TECRL: variants seen among roughly 807,000 people sequenced by gnomAD.
TECRL encodes trans-2,3-enoyl-CoA reductase-like.
TECRL carries 63 observed loss-of-function variants against 52.8 expected under a neutral mutation model. That is an observed-to-expected ratio of 1.19 (90% CI 0.97 to 1.47). The LOEUF (loss-of-function observed/expected upper bound fraction) is 1.47. Among genes scored for constraint, TECRL ranks in the 40% most tolerant of loss-of-function variants. TECRL has a pLI of 0.00. For missense variants in TECRL, 482 were observed against 429.6 expected, an observed-to-expected ratio of 1.12 and a Z score of -1.08; for synonymous variants, 164 against 141.9, an observed-to-expected ratio of 1.16 and a Z score of -1.10.
At chr4:64,375,439 T>C (rs552703343) in intron 1 of TECRL, among the ~76,000 whole-genome samples, 1 of 151,974 alleles carries the variant, frequency 6.6e-6, no homozygotes, top group Non-Finnish European at 1.5e-5. Flanking sequence ...ACAACAGTAA[T>C]AGCTTTATTA....
At chr4:64,403,803 G>A (rs922598306) in intron 1 of TECRL, among the ~76,000 whole-genome samples, 1 of 150,838 alleles carries the variant, frequency 6.6e-6, no homozygotes, top group Non-Finnish European at 1.5e-5. Context: ...GGAGGAAAAG[G>A]GGGGCAGGAA....
At chr4:64,313,528 C>A (rs1204843896) in intron 5 of TECRL, among the ~76,000 whole-genome samples, 19 of 140,926 alleles carry the variant, frequency 1.3e-4, no homozygotes, top group African/African-American at 2.4e-4. Flanking sequence ...GTCCCCCAGG[C>A]CGGAGTGCAG....
At chr4:64,332,860 T>C (rs1261171745) in intron 2 of TECRL, among the ~76,000 whole-genome samples, 1 of 152,102 alleles carries the variant, frequency 6.6e-6, no homozygotes, top group African/African-American at 2.4e-5. Context: ...AATGAAAAAG[T>C]ACATCATTCT....
At chr4:64,371,613 T>A (rs1168659615) in intron 2 of TECRL, among the ~76,000 whole-genome samples, 1 of 151,698 alleles carries the variant, frequency 6.6e-6, no homozygotes, top group African/African-American at 2.4e-5. Context: ...AAATATCACA[T>A]TCATCTGCTT....
chr4:64,376,240 C>T (rs1245305207), intron 1 of TECRL, among the ~76,000 whole-genome samples: 2 of 151,802 alleles, frequency 1.3e-5, no homozygotes, highest in African/African-American at 4.8e-5. Context: ...ATTCAGTATA[C>T]TGTTCAGAAC....
intron 7 of TECRL, among the ~76,000 whole-genome samples, chr4:64,301,271 A>T (rs1724004392): frequency 6.6e-6 from 1 of 151,136 alleles, no homozygotes; most frequent in South Asian, 2.1e-4. Flanking sequence ...TATGTTGTAC[A>T]TTTTTATAAT....
chr4:64,383,127 A>G (rs1415882680), intron 1 of TECRL, among the ~76,000 whole-genome samples: 2 of 152,160 alleles, frequency 1.3e-5, no homozygotes, highest in African/African-American at 4.8e-5. Context: ...GTTTCTGCTG[A>G]GAACTTAGCT....
At chr4:64,290,204 T>C (rs1043059270) in intron 8 of TECRL, among the ~76,000 whole-genome samples, 6 of 152,158 alleles carry the variant, frequency 3.9e-5, no homozygotes, top group African/African-American at 1.4e-4. Flanking sequence ...CAGCTCAGTT[T>C]GGAAAACCTA....
intron 1 of TECRL, among the ~76,000 whole-genome samples, 168 bp from the exon 2 acceptor site, chr4:64,375,391 C>T (rs192126136): frequency 6.6e-6 from 1 of 151,900 alleles, no homozygotes; most frequent in East Asian, 1.9e-4. Context: ...ATGTTGCAAT[C>T]AGTAACAATA....
chr4:64,408,982 C>T, intron 1 of TECRL, 136 bp downstream of exon 1: 1 of 746,870 alleles, frequency 1.3e-6, no homozygotes, highest in Non-Finnish European at 2.1e-6. Flanking sequence ...GCATCCTGTT[C>T]ACCACAAAAT....
intron 1 of TECRL, among the ~76,000 whole-genome samples, chr4:64,400,241 C>A (rs191537771): frequency 1.3e-5 from 2 of 152,112 alleles, no homozygotes; most frequent in East Asian, 3.9e-4. Context: ...CTTGCATGGA[C>A]CCTGTAGCCA....
chr4:64,338,875 C>A (rs189729633), intron 2 of TECRL, among the ~76,000 whole-genome samples: 1 of 152,066 alleles, frequency 6.6e-6, no homozygotes, highest in Non-Finnish European at 1.5e-5. Flanking sequence ...GACAGTGGGG[C>A]GATTCCTCAG....
At chr4:64,293,433 A>AT (rs1345084296) in intron 8 of TECRL, among the ~76,000 whole-genome samples, 4 of 152,012 alleles carry the variant, frequency 2.6e-5, no homozygotes, top group Admixed American at 1.3e-4. Context: ...GTGCTCTACA[A>AT]TTTTTTTAAA....
chr4:64,285,815 A>G (rs1287153897), intron 9 of TECRL, among the ~76,000 whole-genome samples: 1 of 152,092 alleles, frequency 6.6e-6, no homozygotes, highest in Admixed American at 6.6e-5. Context: ...TGATGCCCAG[A>G]GAAGTTTGCT....
chr4:64,374,052 C>CATATATATATAT (rs77300773), intron 2 of TECRL, among the ~76,000 whole-genome samples: 49 of 105,956 alleles, frequency 4.6e-4, no homozygotes, highest in African/African-American at 1.9e-3. Flanking sequence ...ATAGTAGATA[C>CATATATATATAT]ATATATATAT....
At chr4:64,367,370 AC>A (rs1721672289) in intron 2 of TECRL, among the ~76,000 whole-genome samples, 1 of 152,048 alleles carries the variant, frequency 6.6e-6, no homozygotes, top group Admixed American at 6.6e-5. Context: ...CTGCACATGC[AC>A]CCCCTGAACC....
chr4:64,375,175 CT>C lies in TECRL; in HGVS notation c.282del (p.Ala95HisfsTer14). The part of the protein sequence containing the change: ...TIHDVKQKFH[K>X]ACPKWYPSRV... ...CTAAATAATATATAAAACTTACATG[CT>C]TTGTGAAACTTTTGCTTAACATCAT... On this transcript the variant is annotated frameshift_variant, in exon 2 of 12. Transcript: ENST00000381210. LOFTEE classifies it high-confidence loss of function. 1 of 1,368,026 alleles carries C rather than the reference CT, an allele frequency of 7.3e-7. No individual in the cohort carries two copies. The highest frequency in any genetic ancestry group is 1.6e-5 in the South Asian group (1 of 64,374). 84.7% of individuals were successfully genotyped at this position (1,368,026 alleles called of 1,614,324 possible). A position where few individuals can be genotyped will look rare whatever the true frequency, so the allele number is the denominator to read the frequency against.
chr4:64,292,520 A>G (rs1246162757), intron 8 of TECRL, among the ~76,000 whole-genome samples: 1 of 152,028 alleles, frequency 6.6e-6, no homozygotes, highest in Non-Finnish European at 1.5e-5. Flanking sequence ...TGAACACTAC[A>G]TGTAAGAAGC....
chr4:64,375,176 T>C lies in TECRL; in HGVS notation c.282A>G (p.Lys94=). ...TIHDVKQKFH[K]ACPKWYPSRV... is the part of the protein sequence containing the mutation. ...TAAATAATATATAAAACTTACATGC[T>C]TTGTGAAACTTTTGCTTAACATCAT... Residue 94 remains lysine, a synonymous_variant, in exon 2 of 12, where the codon AAA becomes AAG. Coordinates refer to ENST00000381210, the MANE Select transcript of TECRL (RefSeq NM_001010874.5). 7.3e-7 allele frequency: 1 copy of C among 1,375,070 alleles called. No individual in the cohort carries two copies. Among genetic ancestry groups the C allele is most frequent in the Non-Finnish European group, 9.7e-7 (1 of 1,036,242 alleles). 85.2% of individuals were successfully genotyped at this position (1,375,070 alleles called of 1,614,324 possible).
Sources: gnomAD v4.1 joint callset for allele counts (sites outside exome capture counted in the v4.1 genomes callset) on GRCh38, gnomAD v4.1.1 for gene constraint, MANE v1.5 for transcripts, NCBI Gene and HGNC (gene_info 2026-07-23, HGNC 2026-07-21) for gene names.